Variants in DNAJC5 observed in about 807,000 individuals in gnomAD.
The protein encoded by DNAJC5 is dnaJ homolog subfamily C member 5.
A neutral mutation model predicts 23.2 loss-of-function variants in DNAJC5; 1 was observed. The ratio of observed to expected loss-of-function variants is 0.04; its 90% CI spans 0.02 to 0.20. DNAJC5 has a LOEUF of 0.20. DNAJC5 is among the 10% of genes least tolerant of loss of function. DNAJC5 has a pLI of 1.00. For synonymous variants in DNAJC5, 136 were observed against 120.0 expected, an observed-to-expected ratio of 1.13 and a Z score of -0.87; for missense variants, 180 against 267.0, an observed-to-expected ratio of 0.67 and a Z score of 2.27.
Position 63,913,012 on chromosome 20 carries a change from A to ATTTT in DNAJC5, c.-11-15314_-11-15311dup, listed in dbSNP as rs34011099. ...ATTTTTCGTATTTGTATTTTTAGCA[A>ATTTT]TTTTTTTTTTTTGTATAGAATGAGC... On this transcript the variant is annotated intron_variant, in intron 1 of 4. Transcript: ENST00000360864. 3.0e-4 allele frequency among the ~76,000 whole-genome samples: 43 copies of ATTTT among 144,692 alleles called. 1 individual carries two copies. The highest frequency in any genetic ancestry group is 4.3e-4 in the Non-Finnish European group (28 of 65,534). 94.9% of individuals were successfully genotyped at this position (144,692 alleles called of 152,430 possible). A position where few individuals can be genotyped will look rare whatever the true frequency, so the allele number is the denominator to read the frequency against.
chr20:63,897,159 C>G (rs2053380829), intron 1 of DNAJC5, among the ~76,000 whole-genome samples: 1 of 152,202 alleles, frequency 6.6e-6, no homozygotes, highest in South Asian at 2.1e-4. Flanking sequence ...CTTTAGGAGG[C>G]TGAGGCGGAC....
chr20:63,903,294 G>T (rs1408890394), intron 1 of DNAJC5, among the ~76,000 whole-genome samples: 1 of 152,062 alleles, frequency 6.6e-6, no homozygotes, highest in South Asian at 2.1e-4. Context: ...TTGTAGGCAC[G>T]CACCACCTCA....
chr20:63,900,396 G>A (rs778416946), intron 1 of DNAJC5, among the ~76,000 whole-genome samples: 3 of 151,772 alleles, frequency 2.0e-5, no homozygotes, highest in Admixed American at 6.6e-5. Flanking sequence ...GGGCAACATA[G>A]CAAAACCCCA....
Position 63,928,280 on chromosome 20 carries a change from C to A in DNAJC5, c.-11-55C>A. On this transcript the variant is annotated intron_variant, in intron 1 of 4. Transcript: ENST00000360864. The surrounding 1 kb of genome is among the most constrained non-coding windows in gnomAD (Gnocchi z 4.6). ...TATGGAATAAAGTCCATCAGCTCTG[C>A]CCTTGGTACTTTCATCTATACTTTG... 1 of 1,408,572 alleles carries A rather than the reference C, an allele frequency of 7.1e-7. No individual in the cohort carries two copies. The highest frequency in any genetic ancestry group is 1.0e-6 in the Non-Finnish European group (1 of 1,001,004). The allele number at this position is 1,408,572 out of a possible 1,614,324, so 87.3% of individuals were successfully genotyped here.
At position 63,922,040 on chromosome 20, in the gene DNAJC5, A is replaced by G. The variant is rs529282997; in HGVS notation, c.-11-6295A>G. 1.7e-3 allele frequency among the ~76,000 whole-genome samples: 265 copies of G among 152,114 alleles called. 10 individuals carry two copies. Among genetic ancestry groups the G allele is most frequent in the South Asian group, 0.014 (66 of 4,816 alleles). On this transcript the variant is annotated intron_variant, in intron 1 of 4. Transcript: ENST00000360864. ...GTGATTCAACCACCTCAGCCTCCCA[A>G]AGTGCTGGAATTACAGGCGTGAGCC...
At chr20:63,898,609 C>T (rs920900226) in intron 1 of DNAJC5, among the ~76,000 whole-genome samples, 2 of 152,022 alleles carry the variant, frequency 1.3e-5, no homozygotes, top group Non-Finnish European at 2.9e-5. Context: ...TTTGGGAGGC[C>T]GAGGCGGGCA....
At chr20:63,927,536 C>T (rs1293008919) in intron 1 of DNAJC5, among the ~76,000 whole-genome samples, 1 of 143,208 alleles carries the variant, frequency 7.0e-6, no homozygotes, top group African/African-American at 2.6e-5. Context: ...GCAAAACTGT[C>T]CCCCCCCCCA....
rs1474918576 is a variant in DNAJC5 at position 63,931,179 on chromosome 20, T to C, written c.493+157T>C. 1.1e-6 allele frequency: 1 copy of C among 884,178 alleles called. No individual in the cohort carries two copies. Among genetic ancestry groups the C allele is most frequent in the Non-Finnish European group, 1.8e-6 (1 of 552,458 alleles). 54.8% of individuals were successfully genotyped at this position (884,178 alleles called of 1,614,324 possible). A position where few individuals can be genotyped will look rare whatever the true frequency, so the allele number is the denominator to read the frequency against. On this transcript the variant is annotated intron_variant, in intron 4 of 4. Coordinates refer to ENST00000360864, the MANE Select transcript of DNAJC5 (RefSeq NM_025219.3). This position sits in a 1 kb window ranked among gnomAD's most constrained non-coding sequence, Gnocchi z 9.6. ...ACTGTTGAGGTGTGAACGTGGACCC[T>C]GAGGTAAAGCAGGCGCATAGAGCTG...
At chr20:63,913,123 G>A (rs529065454) in intron 1 of DNAJC5, among the ~76,000 whole-genome samples, 1 of 79,758 alleles carries the variant, frequency 1.3e-5, no homozygotes, top group Non-Finnish European at 2.2e-5. Context: ...GTTTGCTGGT[G>A]CCTTCTTTGC....
At chr20:63,907,055 C>CT (rs1195121844) in intron 1 of DNAJC5, among the ~76,000 whole-genome samples, 1 of 152,106 alleles carries the variant, frequency 6.6e-6, no homozygotes, top group Admixed American at 6.6e-5. Context: ...AGCCACTGCA[C>CT]TCCTACCTGG....
chr20:63,905,150 T>G (rs1323975207), intron 1 of DNAJC5, among the ~76,000 whole-genome samples: 2 of 150,360 alleles, frequency 1.3e-5, no homozygotes, highest in Non-Finnish European at 3.0e-5. Context: ...GGTCTCGCTC[T>G]TGTCGCCCAG....
chr20:63,895,304 GCGGGCGGGCGGA>G lies in DNAJC5; in HGVS notation c.-25_-14del, dbSNP rs1165938272. On this transcript the variant is annotated 5_prime_UTR_variant, in exon 1 of 5. Transcript: ENST00000360864. ...AGCCGCGGAGCCGGCGGGAGGGCGGGCGGGCGGGCGGACGGGCAGGTGAGCTCGCTGCGGGTC... is the reference window on the plus strand; with the variant it reads ...AGCCGCGGAGCCGGCGGGAGGGCGGGCGGGCAGGTGAGCTCGCTGCGGGTC... 2.0e-5 allele frequency: 3 copies of G among 148,028 alleles called. No homozygotes were observed. The highest frequency in any genetic ancestry group is 3.0e-5 in the Non-Finnish European group (2 of 66,112). The allele number at this position is 148,028 out of a possible 1,614,324, so 9.2% of individuals were successfully genotyped here. A position where few individuals can be genotyped will look rare whatever the true frequency, so the allele number is the denominator to read the frequency against.
chr20:63,930,862 C>T lies in DNAJC5; in HGVS notation c.333C>T (p.Val111=), dbSNP rs1037164977. ...TCTTCTCCCCCCAGGCCCTGTTTGT[C>T]TTCTGCGGCCTCCTCACGTGCTGCT... ...LSSWWAKALF[V]FCGLLTCCYC... is the part of the protein sequence containing the mutation. Residue 111 remains valine, a synonymous_variant, in exon 4 of 5, where the codon GTC becomes GTT. Coordinates refer to ENST00000360864, the MANE Select transcript of DNAJC5 (RefSeq NM_025219.3). 6.2e-7 allele frequency: 1 copy of T among 1,613,050 alleles called. No individual in the cohort carries two copies.
intron 1 of DNAJC5, among the ~76,000 whole-genome samples, chr20:63,903,674 G>A (rs1225589140): frequency 2.6e-5 from 4 of 152,052 alleles, no homozygotes; most frequent in Admixed American, 2.0e-4. Context: ...TTTTGGCCAG[G>A]CTTAGTGGTT....
At chr20:63,915,915 A>G (rs925866203) in intron 1 of DNAJC5, among the ~76,000 whole-genome samples, 1 of 152,260 alleles carries the variant, frequency 6.6e-6, no homozygotes, top group Non-Finnish European at 1.5e-5. Flanking sequence ...ATCACAGAAC[A>G]TAAAATACAA....
At chr20:63,917,895 A>G (rs764702032) in intron 1 of DNAJC5, among the ~76,000 whole-genome samples, 9 of 152,170 alleles carry the variant, frequency 5.9e-5, no homozygotes, top group Non-Finnish European at 1.3e-4. Flanking sequence ...TGCATTTCCC[A>G]GGGAGTGGGG....
intron 3 of DNAJC5, among the ~76,000 whole-genome samples, chr20:63,930,194 TGTTAGACAGA>T: frequency 6.6e-6 from 1 of 152,210 alleles, no homozygotes; most frequent in Non-Finnish European, 1.5e-5. Flanking sequence ...ATTTAGTTAA[TGTTAGACAGA>T]GTCTCGCTCT....
At chr20:63,914,667 G>C (rs2053504878) in intron 1 of DNAJC5, among the ~76,000 whole-genome samples, 1 of 149,814 alleles carries the variant, frequency 6.7e-6, no homozygotes, top group Non-Finnish European at 1.5e-5. Flanking sequence ...CCAGGCTGGA[G>C]TGTGGTGGCG....
At chr20:63,930,647 T>C (rs995511773) in intron 3 of DNAJC5, among the ~76,000 whole-genome samples, 5 of 152,202 alleles carry the variant, frequency 3.3e-5, no homozygotes, top group Non-Finnish European at 5.9e-5. Context: ...ACGCCCGTCT[T>C]GGAGGCTGCT....
Sources: gnomAD v4.1 joint callset for allele counts (sites outside exome capture counted in the v4.1 genomes callset) on GRCh38, gnomAD v4.1.1 for gene constraint, Gnocchi (gnomAD v3.1) non-coding constraint, MANE v1.5 for transcripts, NCBI Gene and HGNC (gene_info 2026-07-23, HGNC 2026-07-21) for gene names.